Variants in PI4KA observed in about 807,000 individuals in gnomAD.
PI4KA encodes the protein PI4-kinase alpha.
In PI4KA, 122 loss-of-function variants were observed where a neutral mutation model predicts 271.4. The observed-to-expected ratio is 0.45, with a 90% CI of 0.39 to 0.52. PI4KA has a LOEUF of 0.52. Ranked by LOEUF, PI4KA falls within the 20% of genes least tolerant of loss-of-function variation. PI4KA has a pLI of 0.00. For synonymous variants in PI4KA, 1,041 were observed against 1,078.8 expected, an observed-to-expected ratio of 0.96 and a Z score of 0.69; for missense variants, 1,969 against 2,769.1, an observed-to-expected ratio of 0.71 and a Z score of 6.48.
chr22:20,800,011 T>A (rs896128138), intron 14 of PI4KA, among the ~76,000 whole-genome samples: 2 of 152,174 alleles, frequency 1.3e-5, no homozygotes, highest in Non-Finnish European at 2.9e-5. Flanking sequence ...CTTTGGAATA[T>A]CATGCTCACC....
Position 20,711,288 on chromosome 22 carries a change from C to A in PI4KA, c.5923+53G>T. 5 of 1,247,202 alleles carry A rather than the reference C, an allele frequency of 4.0e-6. No individual in the cohort carries two copies. In the South Asian group the frequency reaches 6.2e-5, roughly 15 times the overall value. The allele number at this position is 1,247,202 out of a possible 1,614,324, so 77.3% of individuals were successfully genotyped here. ...TCTGTGGGGTGGGGATCCCTATCCA[C>A]CCCTGGGTGCCAGGGGTGAAGGGAG... On this transcript the variant is annotated intron_variant, in intron 51 of 54. Transcript: ENST00000255882.
In PI4KA at chr22:20,802,090, A is replaced by G; in HGVS notation, c.1607T>C (p.Ile536Thr). The change falls in exon 14 of 55, where the codon ATA (isoleucine) becomes ACA (threonine). Residue 536 changes from isoleucine to threonine, a missense_variant. Around this residue, in one of 13 missense-constraint regions of PI4KA, gnomAD observed 228 missense variants for 261.6 expected, o/e 0.87. Coordinates refer to ENST00000255882, the MANE Select transcript of PI4KA (RefSeq NM_058004.4). ...ATGCTCATTGGTCACACTGATTTTT[A>G]TATCATTGCCAGCAACTGAAAGTAA... ...SQYHTVAGND[I>T]KISVTNEHSE... 1 of 1,613,966 alleles carries G rather than the reference A, an allele frequency of 6.2e-7. No individual in the cohort carries two copies.
chr22:20,796,560 G>C (rs1312556663), intron 17 of PI4KA, among the ~76,000 whole-genome samples: 1 of 152,250 alleles, frequency 6.6e-6, no homozygotes, highest in Non-Finnish European at 1.5e-5. Flanking sequence ...AATGTAGTAA[G>C]GACCTCCAGG....
At chr22:20,786,521 C>A (rs1006783537) in intron 19 of PI4KA, among the ~76,000 whole-genome samples, 1 of 152,176 alleles carries the variant, frequency 6.6e-6, no homozygotes, top group African/African-American at 2.4e-5. Context: ...ATCGGGCGCT[C>A]AGCAAAAGAG....
intron 1 of PI4KA, among the ~76,000 whole-genome samples, chr22:20,858,101 T>G (rs1438068781): frequency 6.6e-6 from 1 of 152,186 alleles, no homozygotes; most frequent in Admixed American, 6.5e-5. Flanking sequence ...CACAGTCCGG[T>G]GAAGCCGGCA....
intron 9 of PI4KA, 130 bp from the exon 10 acceptor site, chr22:20,807,588 T>C: frequency 1.6e-6 from 1 of 625,738 alleles, no homozygotes; most frequent in South Asian, 1.8e-5. Flanking sequence ...CTGTTTATCA[T>C]GACTCATCAC....
At chr22:20,735,352 C>T (rs1241105710) in intron 32 of PI4KA, among the ~76,000 whole-genome samples, 2 of 150,130 alleles carry the variant, frequency 1.3e-5, no homozygotes, top group Non-Finnish European at 1.5e-5. Flanking sequence ...GGGCTCCAAG[C>T]GCCTGTGCAG....
chr22:20,856,164 T>G (rs914091095), intron 1 of PI4KA, among the ~76,000 whole-genome samples: 1 of 152,044 alleles, frequency 6.6e-6, no homozygotes, highest in Non-Finnish European at 1.5e-5. Flanking sequence ...ACTAAAAAAT[T>G]TGCCCGGGGT....
At chr22:20,794,408 T>C (rs1217752778) in intron 18 of PI4KA, among the ~76,000 whole-genome samples, 1 of 152,132 alleles carries the variant, frequency 6.6e-6, no homozygotes, top group Non-Finnish European at 1.5e-5. Flanking sequence ...TCCTGATGCC[T>C]AAGGTCCCGC....
intron 23 of PI4KA, among the ~76,000 whole-genome samples, chr22:20,753,863 T>C (rs1172727607): frequency 5.3e-5 from 8 of 152,126 alleles, no homozygotes; most frequent in Non-Finnish European, 8.8e-5. Context: ...ATTTTTTGTA[T>C]TTTTAGTAGA....
intron 1 of PI4KA, among the ~76,000 whole-genome samples, chr22:20,854,906 CTT>C (rs1346220672): frequency 6.6e-6 from 1 of 152,122 alleles, no homozygotes; most frequent in Non-Finnish European, 1.5e-5. Context: ...AATCCTGGCA[CTT>C]TGGGAGGCCG....
Position 20,765,703 on chromosome 22 carries a change from CAAG to C in PI4KA, c.2329-13_2329-11del, listed in dbSNP as rs775570047. The C allele has an allele frequency of 1.9e-6, 3 of 1,580,968 alleles. No individual in the cohort carries two copies. The highest frequency in any genetic ancestry group is 2.6e-6 in the Non-Finnish European group (3 of 1,150,402). ...GCAGTCGTCGGGTGAGCTGATGTGC[CAAG>C]AAGAGAGGGAGAAAGGAGGTTATTT... On this transcript the variant is annotated splice_polypyrimidine_tract_variant and intron_variant, in intron 19 of 54. Transcript: ENST00000255882.
At chr22:20,735,490 T>A (rs1392978320) in intron 32 of PI4KA, among the ~76,000 whole-genome samples, 3 of 146,944 alleles carry the variant, frequency 2.0e-5, no homozygotes, top group Non-Finnish European at 4.5e-5. Context: ...TCAGCCAGGG[T>A]CCCTGCTGGC....
chr22:20,797,108 C>T (rs1484045626), intron 17 of PI4KA, among the ~76,000 whole-genome samples: 2 of 152,188 alleles, frequency 1.3e-5, no homozygotes, highest in Non-Finnish European at 2.9e-5. Context: ...GTCGTCTGCT[C>T]CACTAAGAAA....
At chr22:20,741,155 T>C (rs1364146233) in intron 32 of PI4KA, among the ~76,000 whole-genome samples, 4 of 151,988 alleles carry the variant, frequency 2.6e-5, no homozygotes, top group South Asian at 2.1e-4. Context: ...GAGGGAGAAA[T>C]TGGGTGTCAT....
rs761850640 is a variant in PI4KA at position 20,729,716 on chromosome 22, G to A, written c.4409-5C>T. On this transcript the variant is annotated splice_polypyrimidine_tract_variant and splice_region_variant and intron_variant, in intron 37 of 54. Transcript: ENST00000255882. ...GGTTGGTTTTCTTAGACATGCCTAG[G>A]AGGAAAGACAAAGCACAGGTGTAGT... The A allele has an allele frequency of 2.5e-6, 4 of 1,592,448 alleles. No homozygotes were observed. Among genetic ancestry groups the A allele is most frequent in the Non-Finnish European group, 3.4e-6 (4 of 1,167,700 alleles).
At chr22:20,767,197 C>G (rs550612468) in intron 19 of PI4KA, among the ~76,000 whole-genome samples, 1 of 152,130 alleles carries the variant, frequency 6.6e-6, no homozygotes, top group Non-Finnish European at 1.5e-5. Flanking sequence ...AATCCCAGCA[C>G]TTTGGGAGGC....
At chr22:20,856,866 T>C (rs1209849330) in intron 1 of PI4KA, among the ~76,000 whole-genome samples, 1 of 152,246 alleles carries the variant, frequency 6.6e-6, no homozygotes, top group Non-Finnish European at 1.5e-5. Flanking sequence ...TCTGAGTTAC[T>C]GAGTGGAAAG....
intron 50 of PI4KA, among the ~76,000 whole-genome samples, 186 bp from the exon 51 acceptor site, chr22:20,711,647 G>C (rs1418959047): frequency 1.3e-5 from 2 of 152,158 alleles, no homozygotes; most frequent in Non-Finnish European, 2.9e-5. Flanking sequence ...CTGTGGAAGT[G>C]GGCGTGCAGG....
Sources: gnomAD v4.1 joint callset for allele counts (sites outside exome capture counted in the v4.1 genomes callset) on GRCh38, gnomAD v4.1.1 for gene constraint, gnomAD v4.1.1 regional missense constraint, MANE v1.5 for transcripts, NCBI Gene and HGNC (gene_info 2026-07-23, HGNC 2026-07-21) for gene names.